RASGRP1: variants seen among roughly 807,000 people sequenced by gnomAD.
The protein encoded by RASGRP1 is RAS guanyl releasing protein 1.
RASGRP1 carries 37 observed loss-of-function variants against 95.1 expected under a neutral mutation model. The observed-to-expected ratio is 0.39, with a 90% confidence interval of 0.30 to 0.51. The LOEUF is 0.51. Among genes scored for constraint, RASGRP1 ranks in the 20% least tolerant of loss-of-function variants. The probability of loss-of-function intolerance (pLI) is 0.80; values close to 1 mark genes in which losing one functional copy is unlikely to be tolerated. For synonymous variants in RASGRP1, 325 were observed against 353.4 expected, an observed-to-expected ratio of 0.92 and a Z score of 0.90; for missense variants, 711 against 965.4, an observed-to-expected ratio of 0.74 and a Z score of 3.49.
intron 11 of RASGRP1, 27 bp downstream of exon 11, chr15:38,503,245 T>C: frequency 6.4e-7 from 1 of 1,551,096 alleles, no homozygotes; most frequent in Non-Finnish European, 8.9e-7. Flanking sequence ...TGCCTAGTTT[T>C]TGTGTGCTGA....
At chr15:38,517,260 T>C (rs1182537790) in intron 5 of RASGRP1, among the ~76,000 whole-genome samples, 2 of 152,172 alleles carry the variant, frequency 1.3e-5, no homozygotes, top group Non-Finnish European at 2.9e-5. Flanking sequence ...TCCTACAGAA[T>C]ATAATGTGGA....
chr15:38,504,063 A>G (rs1425701110), intron 10 of RASGRP1: 1 of 152,226 alleles, frequency 6.6e-6, no homozygotes, highest in Non-Finnish European at 1.5e-5. Flanking sequence ...ACATATCTAA[A>G]CATAGAAAAG....
chr15:38,505,936 G>T lies in RASGRP1; in HGVS notation c.1243-16C>A, dbSNP rs1331085772. On this transcript the variant is annotated splice_polypyrimidine_tract_variant and intron_variant, in intron 9 of 16. Coordinates refer to ENST00000310803, the MANE Select transcript of RASGRP1 (RefSeq NM_005739.4). ...CCAGGGATAACTGCAGATCAAAGCA[G>T]AACAGGGTTCATTGCTAAGATGCTG... 16 of 1,585,708 alleles carry T rather than the reference G, an allele frequency of 1.0e-5. No individual in the cohort carries two copies. The highest frequency in any genetic ancestry group is 1.4e-5 in the Non-Finnish European group (16 of 1,158,594).
At chr15:38,502,274 G>A (rs1891062830) in intron 12 of RASGRP1, 38 bp downstream of exon 12, 1 of 1,414,808 alleles carries the variant, frequency 7.1e-7, no homozygotes, top group African/African-American at 1.4e-5. Context: ...TCTCACCAAT[G>A]GGCTCATAAC....
Position 38,503,149 on chromosome 15 carries a change from G to C in RASGRP1, c.1428+123C>G, listed in dbSNP as rs188599221. 1.4e-5 allele frequency: 10 copies of C among 731,184 alleles called. No individual in the cohort carries two copies. In the East Asian group the frequency reaches 2.7e-4, roughly 20 times the overall value. The allele number at this position is 731,184 out of a possible 1,614,324, so 45.3% of individuals were successfully genotyped here. ...TTGTTCTAAAGCCACAGTAAGAGAA[G>C]TAAGTGGTTCAAGTTTCGTGCCTTT... is the stretch of plus-strand genomic sequence containing the variant. On this transcript the variant is annotated intron_variant, in intron 11 of 16. Transcript: ENST00000310803.
intron 7 of RASGRP1, among the ~76,000 whole-genome samples, chr15:38,512,334 A>G (rs145687877): frequency 7.9e-5 from 12 of 152,328 alleles, no homozygotes; most frequent in African/African-American, 2.9e-4. Flanking sequence ...ATGGGTTCAT[A>G]GTACTTGTTT....
chr15:38,541,125 T>A (rs938278223), intron 2 of RASGRP1, among the ~76,000 whole-genome samples: 2 of 152,354 alleles, frequency 1.3e-5, no homozygotes, highest in East Asian at 3.9e-4. Flanking sequence ...TACATTTGTA[T>A]AGCACTTTGT....
In RASGRP1 at chr15:38,488,740, A is replaced by G. The variant is rs1197213085; in HGVS notation, c.*1814T>C. On this transcript the variant is annotated 3_prime_UTR_variant, in exon 17 of 17. Transcript: ENST00000310803. ...TTAGAGTACACCATCTTTGGTCTATATCAATCAAAGGAAAACAAGAATAGT... is the reference window on the plus strand; with the variant it reads ...TTAGAGTACACCATCTTTGGTCTATGTCAATCAAAGGAAAACAAGAATAGT... 2.0e-5 allele frequency: 3 copies of G among 152,036 alleles called. No individual in the cohort carries two copies. Among genetic ancestry groups the G allele is most frequent in the African/African-American group, 7.2e-5 (3 of 41,450 alleles). The allele number at this position is 152,036 out of a possible 1,614,324, so 9.4% of individuals were successfully genotyped here.
chr15:38,535,851 C>A (rs1892621799), intron 2 of RASGRP1, among the ~76,000 whole-genome samples: 1 of 152,198 alleles, frequency 6.6e-6, no homozygotes, highest in South Asian at 2.1e-4. Flanking sequence ...CAGTCTCGAT[C>A]TGGACTTGTC....
rs1372955652 is a variant in RASGRP1, at chr15:38,564,594, C to T, written c.35G>A (p.Arg12Gln). The change falls in exon 1 of 17, where the codon CGG becomes CAG. Residue 12 changes from arginine to glutamine, a missense_variant and splice_region_variant. By Grantham distance (43) the Arg-to-Gln change is conservative. Transcript: ENST00000310803. ...GTLGKAREAP[R>Q]KPSHGCRAAS... ...GAGGGCCACGGCCGCCTCTACTCACCGCGGAGCCTCTCTCGCCTTGCCCAG... is the reference window on the plus strand; with the variant it reads ...GAGGGCCACGGCCGCCTCTACTCACTGCGGAGCCTCTCTCGCCTTGCCCAG... 9 of 1,383,872 alleles carry T rather than the reference C, an allele frequency of 6.5e-6. No homozygotes were observed. The highest frequency in any genetic ancestry group is 8.5e-6 in the Non-Finnish European group (9 of 1,056,862). The allele number at this position is 1,383,872 out of a possible 1,614,324, so 85.7% of individuals were successfully genotyped here.
chr15:38,521,428 G>A (rs1458806680), intron 3 of RASGRP1, among the ~76,000 whole-genome samples: 1 of 152,094 alleles, frequency 6.6e-6, no homozygotes, highest in East Asian at 1.9e-4. Flanking sequence ...GACAGTGCAC[G>A]TTGGCTGCAT....
intron 8 of RASGRP1, among the ~76,000 whole-genome samples, chr15:38,510,044 C>CA (rs1891439745): frequency 6.6e-6 from 1 of 152,162 alleles, no homozygotes; most frequent in African/African-American, 2.4e-5. Context: ...GCTCACAAGA[C>CA]AAGAGTGTAA....
chr15:38,508,714 G>A (rs1163020124), intron 8 of RASGRP1, among the ~76,000 whole-genome samples: 3 of 152,208 alleles, frequency 2.0e-5, no homozygotes, highest in African/African-American at 7.2e-5. Context: ...CTGGAAGTGG[G>A]AACGGCTGCT....
intron 12 of RASGRP1, among the ~76,000 whole-genome samples, chr15:38,501,928 C>A (rs1246747832): frequency 6.6e-6 from 1 of 150,706 alleles, no homozygotes; most frequent in Non-Finnish European, 1.5e-5. Context: ...GATCTCGGCT[C>A]ACTGCAACCT....
intron 16 of RASGRP1, 60 bp from the exon 17 acceptor site, chr15:38,490,748 C>A: frequency 6.7e-7 from 1 of 1,490,720 alleles, no homozygotes; most frequent in Non-Finnish European, 9.1e-7. Context: ...AAATGAATTA[C>A]AAATTGAGAG....
intron 2 of RASGRP1, among the ~76,000 whole-genome samples, chr15:38,551,686 A>G (rs28582094): frequency 0.27 from 41,586 of 152,030 alleles, 5,881 homozygotes; most frequent in East Asian, 0.4. Context: ...CAATATCAAA[A>G]CCAACATAAA....
Position 38,490,496 on chromosome 15 carries a change from C to A in RASGRP1, c.*58G>T, listed in dbSNP as rs1890530062. On this transcript the variant is annotated 3_prime_UTR_variant, in exon 17 of 17. Coordinates refer to ENST00000310803, the MANE Select transcript of RASGRP1 (RefSeq NM_005739.4). ...TAAAGTTCCTCAGGTCTGTGCATTA[C>A]AGTTTAGGAAATGAGATCACTATAC... The A allele has an allele frequency of 7.0e-6, 11 of 1,560,762 alleles. No homozygotes were observed. Among genetic ancestry groups the A allele is most frequent in the African/African-American group, 1.4e-5 (1 of 73,184 alleles).
At position 38,489,162 on chromosome 15, in the gene RASGRP1, A is replaced by G. The variant is rs1321366967; in HGVS notation, c.*1392T>C. 1 of 151,976 alleles carries G rather than the reference A, an allele frequency of 6.6e-6. No individual in the cohort carries two copies. The highest frequency in any genetic ancestry group is 2.4e-5 in the African/African-American group (1 of 41,414). The allele number at this position is 151,976 out of a possible 1,614,324, so 9.4% of individuals were successfully genotyped here. ...GTTAACATATTCTTGGCAATTGGAC[A>G]ACTTGTTTATGAATTTCAAGTCAGT... On this transcript the variant is annotated 3_prime_UTR_variant, in exon 17 of 17. Transcript: ENST00000310803.
intron 2 of RASGRP1, among the ~76,000 whole-genome samples, chr15:38,557,524 A>T (rs1893613306): frequency 6.6e-6 from 1 of 151,594 alleles, no homozygotes. Flanking sequence ...AGGTGCACTT[A>T]CTCAAACTCT....
Sources: gnomAD v4.1 joint callset for allele counts (sites outside exome capture counted in the v4.1 genomes callset) on GRCh38, gnomAD v4.1.1 for gene constraint, MANE v1.5 for transcripts, NCBI Gene and HGNC (gene_info 2026-07-23, HGNC 2026-07-21) for gene names.